Variants in CSPG5 observed in about 807,000 individuals in gnomAD.
CSPG5 encodes the protein acidic leucine-rich EGF-like domain-containing brain protein.
In CSPG5, 25 loss-of-function variants were observed where a neutral mutation model predicts 39.8. That is an observed-to-expected ratio of 0.63 (90% CI 0.46 to 0.88). The LOEUF is 0.88. Among genes scored for constraint, CSPG5 ranks in the 40% least tolerant of loss-of-function variants. The pLI is 0.00. For missense variants in CSPG5, 627 were observed against 702.2 expected, an observed-to-expected ratio of 0.89 and a Z score of 1.21; for synonymous variants, 295 against 303.9, an observed-to-expected ratio of 0.97 and a Z score of 0.31.
In CSPG5 at chr3:47,569,174, A is replaced by C. The variant is rs549444585; in HGVS notation, c.1436T>G (p.Ile479Ser). 1 of 1,612,704 alleles carries C rather than the reference A, an allele frequency of 6.2e-7. No homozygotes were observed. The highest frequency in any genetic ancestry group is 1.3e-5 in the African/African-American group (1 of 74,882). The change falls in exon 4 of 5, where the codon ATT (isoleucine) becomes AGT (serine). Residue 479 changes from isoleucine (I) to serine (S), a missense_variant. Ile to Ser is a moderately radical substitution (Grantham distance 142, BLOSUM62 -2). Transcript: ENST00000264723. ...LHNDNFSLST[I>S]AEGSHPNDDP... ...TACATTTGGGTGAGAGCCCTCGGCA[A>C]TGGTGGAGAGGGAGAAGTTATCATT...
Position 47,562,472 on chromosome 3 carries a change from G to T in CSPG5, c.*128C>A. On this transcript the variant is annotated 3_prime_UTR_variant, in exon 5 of 5. Transcript: ENST00000264723. ...TCCTGTACAAAATACATAAAAGCAT[G>T]CCATGAGATCAGAAAAAGAAAAGAG... The T allele has an allele frequency of 2.1e-6, 2 of 938,506 alleles. No individual in the cohort carries two copies. The highest frequency in any genetic ancestry group is 3.2e-6 in the Non-Finnish European group (2 of 630,924). The allele number at this position is 938,506 out of a possible 1,614,324, so 58.1% of individuals were successfully genotyped here. A position where few individuals can be genotyped will look rare whatever the true frequency, so the allele number is the denominator to read the frequency against.
chr3:47,578,341 C>T lies in CSPG5; in HGVS notation c.97+256G>A, dbSNP rs1210084812. 1.3e-5 allele frequency among the ~76,000 whole-genome samples: 2 copies of T among 150,904 alleles called. No homozygotes were observed. The highest frequency in any genetic ancestry group is 4.9e-5 in the African/African-American group (2 of 41,208). On this transcript the variant is annotated intron_variant, in intron 1 of 4. Transcript: ENST00000264723. This position sits in a 1 kb window ranked among gnomAD's most constrained non-coding sequence, Gnocchi z 6.0. Reference sequence around the variant, plus strand: ...GCCCCGGCCCCGCCCCGGCCCCGCCCCCGGCCCCGCCCCCAGTCCGCACCG... The same window carrying T: ...GCCCCGGCCCCGCCCCGGCCCCGCCTCCGGCCCCGCCCCCAGTCCGCACCG...
chr3:47,577,619 T>C lies in CSPG5; in HGVS notation c.407A>G (p.Gln136Arg), dbSNP rs201366683. 1.4e-4 allele frequency: 228 copies of C among 1,610,908 alleles called. No individual in the cohort carries two copies. The highest frequency in any genetic ancestry group is 1.6e-5 in the Non-Finnish European group (19 of 1,179,548). The part of the protein sequence containing the change: ...TLQAPHEVLG[Q>R]SIMPPAIPEA... The stretch of plus-strand genomic sequence containing the variant: ...AGGAATGGCAGGGGGCATGATTGAC[T>C]GCCCGAGGACCTCGTGGGGAGCCTG... Residue 136 changes from glutamine to arginine, a missense_variant, in exon 2 of 5, where the codon CAG (glutamine) becomes CGG (arginine). Gln to Arg is a conservative substitution (Grantham distance 43, BLOSUM62 1). Coordinates refer to ENST00000264723, the MANE Select transcript of CSPG5 (RefSeq NM_006574.4). This position sits in a 1 kb window ranked among gnomAD's most constrained non-coding sequence, Gnocchi z 4.7.
Position 47,562,437 on chromosome 3 carries a change from T to C in CSPG5, c.*163A>G, listed in dbSNP as rs1336593745. On this transcript the variant is annotated 3_prime_UTR_variant, in exon 5 of 5. Transcript: ENST00000264723. ...TCAGTTTCTTTGCTTATTTTAAGTATTTTTTTGCCTCCTGTACAAAATACA... is the reference window on the plus strand; with the variant it reads ...TCAGTTTCTTTGCTTATTTTAAGTACTTTTTTGCCTCCTGTACAAAATACA... 1.8e-6 allele frequency: 1 copy of C among 567,840 alleles called. No individual in the cohort carries two copies. The highest frequency in any genetic ancestry group is 4.3e-5 in the African/African-American group (1 of 23,260). 35.2% of individuals were successfully genotyped at this position (567,840 alleles called of 1,614,324 possible). A position where few individuals can be genotyped will look rare whatever the true frequency, so the allele number is the denominator to read the frequency against.
chr3:47,567,315 A>G (rs924051437), intron 4 of CSPG5, among the ~76,000 whole-genome samples: 2 of 152,162 alleles, frequency 1.3e-5, no homozygotes, highest in African/African-American at 4.8e-5. Flanking sequence ...ATAGCCCACC[A>G]TCACTCACTA....
chr3:47,565,800 GT>G (rs1466623056), intron 4 of CSPG5, among the ~76,000 whole-genome samples: 1 of 152,230 alleles, frequency 6.6e-6, no homozygotes, highest in East Asian at 1.9e-4. Flanking sequence ...CGACAGCACC[GT>G]TGTGAGGACC....
rs1350563473 is a variant in CSPG5, at chr3:47,572,877, G to A, written c.1194-3C>T. On this transcript the variant is annotated splice_region_variant and splice_polypyrimidine_tract_variant and intron_variant, in intron 2 of 4. Coordinates refer to ENST00000264723, the MANE Select transcript of CSPG5 (RefSeq NM_006574.4). The surrounding 1 kb of genome is among the most constrained non-coding windows in gnomAD (Gnocchi z 4.5). ...AGATGTAGTCCTGCGTGTTGCACCT[G>A]CAGCAGCGACATTGAGAAACCGTGG... The A allele has an allele frequency of 6.2e-7, 1 of 1,601,724 alleles. No homozygotes were observed. The highest frequency in any genetic ancestry group is 8.5e-7 in the Non-Finnish European group (1 of 1,171,228).
In CSPG5 at chr3:47,572,832, G is replaced by A. The variant is rs755509661; in HGVS notation, c.1236C>T (p.Cys412=). 1.7e-5 allele frequency: 28 copies of A among 1,613,878 alleles called. No individual in the cohort carries two copies. Among genetic ancestry groups the A allele is most frequent in the East Asian group, 8.9e-5 (4 of 44,900 alleles). ...QDYIWHKGMR[C]ESIITDFQVM... is the part of the protein sequence containing the mutation. ...CCTGGAAGTCGGTGATGATGGACTC[G>A]CAGCGCATCCCCTTGTGCCAGATGT... Residue 412 remains cysteine (C), a synonymous_variant, in exon 3 of 5, where the codon TGC becomes TGT. Transcript: ENST00000264723. This position sits in a 1 kb window ranked among gnomAD's most constrained non-coding sequence, Gnocchi z 4.5.
chr3:47,576,275 C>A, intron 2 of CSPG5, among the ~76,000 whole-genome samples: 1 of 151,960 alleles, frequency 6.6e-6, no homozygotes, highest in East Asian at 1.9e-4. Flanking sequence ...GGTAAGGACA[C>A]AACACACAGA....
At chr3:47,575,790 C>T (rs948303886) in intron 2 of CSPG5, among the ~76,000 whole-genome samples, 2 of 152,132 alleles carry the variant, frequency 1.3e-5, no homozygotes, top group African/African-American at 2.4e-5. Flanking sequence ...AGGCATGGAG[C>T]GGTGTTCAAC....
intron 4 of CSPG5, among the ~76,000 whole-genome samples, chr3:47,566,403 C>T (rs1284070972): frequency 1.3e-5 from 2 of 152,108 alleles, no homozygotes; most frequent in African/African-American, 4.8e-5. Context: ...GTGAGTGTGG[C>T]GGCTGTAGCA....
chr3:47,570,431 C>A (rs907790061), intron 3 of CSPG5, among the ~76,000 whole-genome samples: 6 of 151,810 alleles, frequency 4.0e-5, no homozygotes, highest in Admixed American at 3.9e-4. Context: ...ATAAGGTGCA[C>A]CATTATTTGA....
intron 4 of CSPG5, among the ~76,000 whole-genome samples, chr3:47,563,284 G>A (rs965027365): frequency 3.3e-5 from 5 of 152,154 alleles, no homozygotes; most frequent in Non-Finnish European, 5.9e-5. Context: ...GAGCATCTCC[G>A]CTGACTAGAG....
At chr3:47,568,247 T>C (rs566623453) in intron 4 of CSPG5, among the ~76,000 whole-genome samples, 1 of 152,364 alleles carries the variant, frequency 6.6e-6, no homozygotes, top group Admixed American at 6.5e-5. Context: ...ACCTGCATTA[T>C]ATAGAGAATT....
Position 47,562,673 on chromosome 3 carries a change from G to A in CSPG5, c.1547C>T (p.Ser516Leu), listed in dbSNP as rs770435002. 8.7e-6 allele frequency: 14 copies of A among 1,613,786 alleles called. No homozygotes were observed. The East Asian group carries it at 8.9e-5, about 10-fold the overall frequency. ...EESFNIQNSM[S>L]PKLEGGKGDQ... ...ACCTTTGCCACCCTCAAGTTTGGGC[G>A]ACATGGAGTTCTGGATGTTAAATGA... is the stretch of plus-strand genomic sequence containing the variant. Residue 516 changes from serine to leucine, a missense_variant, in exon 5 of 5, where the codon TCG becomes TTG. Coordinates refer to ENST00000264723, the MANE Select transcript of CSPG5 (RefSeq NM_006574.4).
intron 4 of CSPG5, 108 bp from the exon 5 acceptor site, chr3:47,562,869 A>T: frequency 8.3e-7 from 1 of 1,211,140 alleles, no homozygotes; most frequent in Non-Finnish European, 1.1e-6. Context: ...AACAAGGAAA[A>T]AGCTCCAAGA....
chr3:47,575,435 T>C (rs2031680702), intron 2 of CSPG5, among the ~76,000 whole-genome samples: 1 of 152,118 alleles, frequency 6.6e-6, no homozygotes, highest in Non-Finnish European at 1.5e-5. Context: ...GGCTGCAAGC[T>C]CTCCAGCAAG....
At position 47,572,922 on chromosome 3, in the gene CSPG5, G is replaced by T; in HGVS notation, c.1194-48C>A. On this transcript the variant is annotated intron_variant, in intron 2 of 4. Transcript: ENST00000264723. The surrounding 1 kb of genome is among the most constrained non-coding windows in gnomAD (Gnocchi z 4.5). The stretch of plus-strand genomic sequence containing the variant: ...CCGTGGCGATGGAGCAGGCAGCCAC[G>T]GCCACAGTAAGGGCCTGGGCCCTGA... The T allele has an allele frequency of 6.4e-7, 1 of 1,561,022 alleles. No individual in the cohort carries two copies. Among genetic ancestry groups the T allele is most frequent in the South Asian group, 1.2e-5 (1 of 86,278 alleles).
rs1372585345 is a variant in CSPG5 at position 47,572,941 on chromosome 3, G to A, written c.1194-67C>T. 2.1e-6 allele frequency: 3 copies of A among 1,408,584 alleles called. No individual in the cohort carries two copies. Among genetic ancestry groups the A allele is most frequent in the Non-Finnish European group, 2.9e-6 (3 of 1,026,974 alleles). 87.3% of individuals were successfully genotyped at this position (1,408,584 alleles called of 1,614,324 possible). On this transcript the variant is annotated intron_variant, in intron 2 of 4. Coordinates refer to ENST00000264723, the MANE Select transcript of CSPG5 (RefSeq NM_006574.4). The surrounding 1 kb of genome is among the most constrained non-coding windows in gnomAD (Gnocchi z 4.5). ...AGCCACGGCCACAGTAAGGGCCTGGGCCCTGACCCCAACACCTATCTCCAC... is the reference window on the plus strand; with the variant it reads ...AGCCACGGCCACAGTAAGGGCCTGGACCCTGACCCCAACACCTATCTCCAC...
Sources: allele counts gnomAD v4.1 joint callset (sites outside exome capture counted in the v4.1 genomes callset), GRCh38; gene constraint gnomAD v4.1.1; non-coding constraint Gnocchi (gnomAD v3.1); transcripts MANE v1.5; gene names NCBI Gene and HGNC (gene_info 2026-07-23, HGNC 2026-07-21).